Variants in TMEM17 observed in about 807,000 individuals in gnomAD.
The protein encoded by TMEM17 is transmembrane protein 17.
TMEM17 carries 15 observed loss-of-function variants against 19.1 expected under a neutral mutation model. That is an observed-to-expected ratio of 0.78 (90% CI 0.52 to 1.21). TMEM17 has a LOEUF of 1.21. TMEM17 is among the 50% of genes most tolerant of loss of function. The pLI is 0.00. For synonymous variants in TMEM17, 103 were observed against 86.9 expected, an observed-to-expected ratio of 1.19 and a Z score of -1.03; for missense variants, 245 against 242.3, an observed-to-expected ratio of 1.01 and a Z score of -0.07.
chr2:62,456,557 C>T, the TMEM17 span, among the ~76,000 whole-genome samples: 1 of 152,218 alleles, frequency 6.6e-6, no homozygotes, highest in East Asian at 1.9e-4. Context: ...TCAGTCACAC[C>T]AGCAAAGTCC....
chr2:62,456,145 T>C, the TMEM17 span, among the ~76,000 whole-genome samples: 2 of 152,338 alleles, frequency 1.3e-5, no homozygotes, highest in East Asian at 1.9e-4. Flanking sequence ...TAAAGGGTCA[T>C]GTATTAGCGT....
chr2:62,491,107 C>G, the TMEM17 span: 1 of 94,750 alleles, frequency 1.1e-5, no homozygotes, highest in African/African-American at 4.2e-5. Context: ...AAAAAAAAAC[C>G]TCTTCAGTGC....
At chr2:62,459,089 T>G in the TMEM17 span, among the ~76,000 whole-genome samples, 1 of 152,230 alleles carries the variant, frequency 6.6e-6, no homozygotes, top group African/African-American at 2.4e-5. Flanking sequence ...TTGTAGAATT[T>G]CTGACTGAAA....
chr2:62,456,694 G>A, the TMEM17 span, among the ~76,000 whole-genome samples: 1 of 152,212 alleles, frequency 6.6e-6, no homozygotes, highest in African/African-American at 2.4e-5. Context: ...CTCATGGTTC[G>A]GGGTTGGCTG....
chr2:62,489,734 G>T, the TMEM17 span, among the ~76,000 whole-genome samples: 1 of 152,212 alleles, frequency 6.6e-6, no homozygotes, highest in East Asian at 1.9e-4. Context: ...TTACTAAAAT[G>T]TTGTGAGATA....
At chr2:62,466,243 T>G in the TMEM17 span, among the ~76,000 whole-genome samples, 3 of 151,236 alleles carry the variant, frequency 2.0e-5, no homozygotes, top group African/African-American at 7.3e-5. Context: ...GTGGTAGTGG[T>G]GGGGGAGGGG....
At chr2:62,472,427 G>A in the TMEM17 span, among the ~76,000 whole-genome samples, 3 of 152,276 alleles carry the variant, frequency 2.0e-5, no homozygotes, top group East Asian at 1.9e-4. Flanking sequence ...AAGTAAAATC[G>A]AGGGAGAGAA....
the TMEM17 span, among the ~76,000 whole-genome samples, chr2:62,456,439 T>C: frequency 6.6e-6 from 1 of 152,218 alleles, no homozygotes; most frequent in Non-Finnish European, 1.5e-5. Context: ...ATGGCTTTGT[T>C]TGTCTTCTGT....
chr2:62,500,968 C>A lies in TMEM17; in HGVS notation c.*241G>T. On this transcript the variant is annotated 3_prime_UTR_variant, in exon 4 of 4. Coordinates refer to ENST00000335390, the MANE Select transcript of TMEM17 (RefSeq NM_198276.3). ...TAGATTTCTACACTCCTGAAAAAGACAACAACATCAAAAAAAATTAAGAAA... is the reference window on the plus strand; with the variant it reads ...TAGATTTCTACACTCCTGAAAAAGAAAACAACATCAAAAAAAATTAAGAAA... The A allele has an allele frequency of 2.7e-6, 1 of 372,722 alleles. No individual in the cohort carries two copies. Among genetic ancestry groups the A allele is most frequent in the Admixed American group, 4.3e-5 (1 of 23,040 alleles). 23.1% of individuals were successfully genotyped at this position (372,722 alleles called of 1,614,324 possible).
downstream of TMEM17, among the ~76,000 whole-genome samples, chr2:62,499,532 A>G (rs987026153): frequency 6.6e-6 from 1 of 152,180 alleles, no homozygotes; most frequent in African/African-American, 2.4e-5. Flanking sequence ...GGAGGGAGAA[A>G]TATTTGGCTG....
chr2:62,496,213 G>A (rs534956808), downstream of TMEM17, among the ~76,000 whole-genome samples: 9 of 152,204 alleles, frequency 5.9e-5, no homozygotes, highest in South Asian at 6.2e-4. Context: ...AGAATTGTGC[G>A]TGGTGAATAG....
the TMEM17 span, among the ~76,000 whole-genome samples, chr2:62,480,266 T>A: frequency 5.4e-4 from 81 of 150,724 alleles, no homozygotes; most frequent in East Asian, 4.5e-3. Flanking sequence ...TGAAAAAAAA[T>A]TTTTTTTTTC....
intron 2 of TMEM17, 34 bp from the exon 3 acceptor site, chr2:62,502,584 T>C: frequency 1.3e-6 from 2 of 1,498,746 alleles, no homozygotes; most frequent in African/African-American, 1.4e-5. Context: ...TTGTAAAATC[T>C]CATGTATAGT....
At chr2:62,478,201 C>G in the TMEM17 span, among the ~76,000 whole-genome samples, 2 of 152,210 alleles carry the variant, frequency 1.3e-5, no homozygotes, top group Non-Finnish European at 2.9e-5. Flanking sequence ...GCCAATGAGT[C>G]TCCCTATCCT....
At chr2:62,489,561 T>C in the TMEM17 span, among the ~76,000 whole-genome samples, 1 of 152,206 alleles carries the variant, frequency 6.6e-6, no homozygotes, top group Non-Finnish European at 1.5e-5. Context: ...CATATGCTTA[T>C]TTGGGCTTGC....
At chr2:62,469,316 G>A in the TMEM17 span, among the ~76,000 whole-genome samples, 3 of 152,212 alleles carry the variant, frequency 2.0e-5, no homozygotes, top group South Asian at 4.1e-4. Flanking sequence ...GCAAGGCTGG[G>A]AGGTCACCTG....
chr2:62,460,596 A>T, the TMEM17 span, among the ~76,000 whole-genome samples: 2 of 152,212 alleles, frequency 1.3e-5, no homozygotes, highest in Non-Finnish European at 2.9e-5. Flanking sequence ...TTTTAAAAAA[A>T]TTTTTATCCA....
Position 62,501,429 on chromosome 2 carries a change from A to G in TMEM17, c.377T>C (p.Leu126Pro). Reference protein sequence around the residue: ...LSLLLQLPLILFLLFNEGLTN... With the variant: ...LSLLLQLPLIPFLLFNEGLTN... ...TAGGCCTTCATTAAAGAGCAAGAAA[A>G]GAATTAAAGGTAACTGCAATAGAAG... Residue 126 changes from leucine (L) to proline (P), a missense_variant, in exon 4 of 4, where the codon CTT (leucine) becomes CCT (proline). By Grantham distance (98) the Leu-to-Pro change is moderately conservative. Transcript: ENST00000335390. The G allele has an allele frequency of 6.2e-7, 1 of 1,614,226 alleles. No individual in the cohort carries two copies. Among genetic ancestry groups the G allele is most frequent in the Admixed American group, 1.7e-5 (1 of 60,024 alleles).
chr2:62,463,035 AG>A, the TMEM17 span: 5 of 152,254 alleles, frequency 3.3e-5, no homozygotes, highest in African/African-American at 1.2e-4. Flanking sequence ...CTCTCAACAC[AG>A]GTGGCCTTTT....
Sources: gnomAD v4.1 joint callset for allele counts (sites outside exome capture counted in the v4.1 genomes callset) on GRCh38, gnomAD v4.1.1 for gene constraint, MANE v1.5 for transcripts, NCBI Gene and HGNC (gene_info 2026-07-23, HGNC 2026-07-21) for gene names.